The following NKAIN2 variants were observed in gnomAD, a reference collection of about 807,000 sequenced individuals.
NKAIN2 encodes the protein sodium/potassium transporting ATPase interacting 2.
A neutral mutation model predicts 32.6 loss-of-function variants in NKAIN2; 14 were observed. The ratio of observed to expected loss-of-function variants is 0.43; its 90% CI spans 0.28 to 0.67. The LOEUF (loss-of-function observed/expected upper bound fraction) is 0.67. NKAIN2 is among the 30% of genes least tolerant of loss of function. NKAIN2 has a pLI of 0.17. For synonymous variants in NKAIN2, 80 were observed against 87.2 expected (o/e 0.92, Z 0.46); for missense variants, 198 against 258.3 (o/e 0.77, Z 1.60).
At chr6:124,060,375 G>A (rs1782869287) in intron 1 of NKAIN2, among the ~76,000 whole-genome samples, 1 of 152,108 alleles carries the variant, frequency 6.6e-6, no homozygotes, top group South Asian at 2.1e-4. Flanking sequence ...TGAGAAAAGA[G>A]GAAAAGTTTC....
intron 3 of NKAIN2, among the ~76,000 whole-genome samples, chr6:124,590,532 G>T (rs1225169351): frequency 2.1e-5 from 3 of 140,222 alleles, no homozygotes; most frequent in Non-Finnish European, 4.8e-5. Context: ...AGAGCCGATG[G>T]ATACTGCCCT....
rs77791214 is a variant in NKAIN2, at chr6:124,549,506, A to G, written c.274-108680A>G. ...CCTTATGTTAATATCTTACTTAACT[A>G]TAGAGCATTTATCAAAACTAAAAAT... is the stretch of plus-strand genomic sequence containing the variant. On this transcript the variant is annotated intron_variant, in intron 3 of 6. Transcript: ENST00000368417. 1.7e-3 allele frequency among the ~76,000 whole-genome samples: 261 copies of G among 152,288 alleles called. 5 individuals are homozygous for G. The East Asian group carries it at 0.038, about 22-fold the overall frequency.
At chr6:124,053,286 A>C (rs1782494635) in intron 1 of NKAIN2, among the ~76,000 whole-genome samples, 2 of 152,034 alleles carry the variant, frequency 1.3e-5, no homozygotes, top group African/African-American at 4.8e-5. Flanking sequence ...GCGACAATAC[A>C]ATAAGCAAGT....
intron 3 of NKAIN2, among the ~76,000 whole-genome samples, chr6:124,426,054 T>C (rs1055282240): frequency 6.6e-6 from 1 of 152,244 alleles, no homozygotes; most frequent in African/African-American, 2.4e-5. Context: ...TAAACACTTA[T>C]GACCTTTATC....
intron 3 of NKAIN2, among the ~76,000 whole-genome samples, chr6:124,572,200 T>C (rs1291507375): frequency 1.3e-5 from 2 of 152,186 alleles, no homozygotes; most frequent in South Asian, 2.1e-4. Flanking sequence ...TCTTAACTTA[T>C]TGAATGATGC....
chr6:124,030,930 C>A (rs112176836), intron 1 of NKAIN2, among the ~76,000 whole-genome samples: 31 of 152,260 alleles, frequency 2.0e-4, no homozygotes, highest in Middle Eastern at 3.4e-3. Context: ...TTAAGAGGAA[C>A]CCACTAGGTT....
intron 1 of NKAIN2, among the ~76,000 whole-genome samples, chr6:123,968,108 T>C (rs965871170): frequency 6.6e-6 from 1 of 152,200 alleles, no homozygotes; most frequent in Non-Finnish European, 1.5e-5. Flanking sequence ...GCACTTGACA[T>C]TAATTACACC....
intron 1 of NKAIN2, among the ~76,000 whole-genome samples, chr6:124,173,099 A>C (rs1788976458): frequency 6.6e-6 from 1 of 152,162 alleles, no homozygotes; most frequent in East Asian, 1.9e-4. Context: ...CTCTCAGTTT[A>C]AATTGATGGT....
intron 3 of NKAIN2, among the ~76,000 whole-genome samples, chr6:124,543,092 A>G (rs1260623994): frequency 6.6e-6 from 1 of 152,194 alleles, no homozygotes; most frequent in Non-Finnish European, 1.5e-5. Context: ...AAACACCACT[A>G]TGAAGTCGAA....
chr6:124,096,858 C>CAAA (rs60102766), intron 1 of NKAIN2, among the ~76,000 whole-genome samples: 64 of 102,508 alleles, frequency 6.2e-4, no homozygotes, highest in African/African-American at 9.8e-4. Context: ...ACTCCGTCTC[C>CAAA]AAAAAAAAAA....
intron 3 of NKAIN2, among the ~76,000 whole-genome samples, chr6:124,635,884 C>T (rs1250605248): frequency 1.3e-5 from 2 of 151,946 alleles, no homozygotes; most frequent in Non-Finnish European, 2.9e-5. Flanking sequence ...GACAGATTAT[C>T]CCGATAGAAA....
chr6:124,100,877 A>C (rs1784853146), intron 1 of NKAIN2, among the ~76,000 whole-genome samples: 1 of 152,210 alleles, frequency 6.6e-6, no homozygotes, highest in Admixed American at 6.5e-5. Context: ...AGAGGCAAGG[A>C]AGCAAAAAGA....
intron 3 of NKAIN2, among the ~76,000 whole-genome samples, chr6:124,409,178 C>T (rs1774022190): frequency 6.6e-6 from 1 of 152,080 alleles, no homozygotes; most frequent in Admixed American, 6.6e-5. Flanking sequence ...AACTGAATGC[C>T]GTTTATTTCC....
rs547272199 is a variant in NKAIN2, at chr6:124,176,480, A to G, written c.55-106525A>G. ...TTTCCAAATTGCTTTCTCTTGCCCA[A>G]TTGCTTTGGCTAAAACTTCCAGTAC... On this transcript the variant is annotated intron_variant, in intron 1 of 6. Transcript: ENST00000368417. Among the ~76,000 whole-genome samples, 13 of 152,226 alleles carry G rather than the reference A, an allele frequency of 8.5e-5. No homozygotes were observed. The South Asian group carries it at 2.3e-3, about 27-fold the overall frequency.
chr6:124,549,362 C>T (rs1780207455), intron 3 of NKAIN2, among the ~76,000 whole-genome samples: 1 of 152,018 alleles, frequency 6.6e-6, no homozygotes, highest in African/African-American at 2.4e-5. Flanking sequence ...AGTGAGACTC[C>T]ATCTCAAAAT....
chr6:123,829,727 C>T (rs888569456), intron 1 of NKAIN2, among the ~76,000 whole-genome samples: 18 of 152,162 alleles, frequency 1.2e-4, no homozygotes, highest in African/African-American at 4.3e-4. Context: ...AATGACTCTT[C>T]ACTGTGAAAA....
At chr6:124,558,066 C>T (rs565414429) in intron 3 of NKAIN2, among the ~76,000 whole-genome samples, 65 of 152,310 alleles carry the variant, frequency 4.3e-4, no homozygotes, top group African/African-American at 1.4e-3. Flanking sequence ...AATCCATTAA[C>T]TGTTCTCTCT....
intron 1 of NKAIN2, among the ~76,000 whole-genome samples, chr6:123,992,852 A>T (rs1021941327): frequency 2.6e-5 from 4 of 152,158 alleles, no homozygotes; most frequent in African/African-American, 9.7e-5. Context: ...CCCTTGTGGT[A>T]CCCACTAAAA....
At chr6:124,411,301 T>A (rs1178664770) in intron 3 of NKAIN2, among the ~76,000 whole-genome samples, 2 of 117,922 alleles carry the variant, frequency 1.7e-5, no homozygotes, top group African/African-American at 6.5e-5. Context: ...ATTTGGCATG[T>A]TTTTGCAGTG....
Sources: gnomAD v4.1 joint callset for allele counts (sites outside exome capture counted in the v4.1 genomes callset) on GRCh38, gnomAD v4.1.1 for gene constraint, MANE v1.5 for transcripts, NCBI Gene and HGNC (gene_info 2026-07-23, HGNC 2026-07-21) for gene names.